Variants in PROS1 observed in about 807,000 individuals in gnomAD.
PROS1 encodes protein S.
A neutral mutation model predicts 75.9 loss-of-function variants in PROS1; 29 were observed. The observed-to-expected ratio is 0.38, with a 90% confidence interval of 0.28 to 0.52. The LOEUF (loss-of-function observed/expected upper bound fraction) is 0.52, where lower values mean the gene tolerates loss of function less well. Among genes scored for constraint, PROS1 ranks in the 20% least tolerant of loss-of-function variants. The pLI is 0.83. For missense variants in PROS1, 680 were observed against 810.3 expected (o/e 0.84, Z 1.95); for synonymous variants, 245 against 280.6 (o/e 0.87, Z 1.27).
intron 1 of PROS1, 63 bp from the exon 2 acceptor site, chr3:93,927,470 T>G (rs1460471612): frequency 6.7e-7 from 1 of 1,496,892 alleles, no homozygotes; most frequent in Admixed American, 1.8e-5. Context: ...ATTGTTTTAT[T>G]AAACAATAAG....
Position 93,874,211 on chromosome 3 carries a change from A to G in PROS1, c.*34T>C. ...TTGAAACATAAGTATAATTACACAC[A>G]AGGAAAAGGTATTATAAGCAGAGAA... On this transcript the variant is annotated 3_prime_UTR_variant, in exon 15 of 15. Transcript: ENST00000394236. 6.2e-7 allele frequency: 1 copy of G among 1,610,114 alleles called. No homozygotes were observed. The highest frequency in any genetic ancestry group is 8.5e-7 in the Non-Finnish European group (1 of 1,176,598).
In PROS1 at chr3:93,971,627, C is replaced by CCACACACACACACA. The variant is rs748664337; in HGVS notation, c.76+2033_76+2046dup. On this transcript the variant is annotated intron_variant, in intron 1 of 14. Coordinates refer to ENST00000394236, the MANE Select transcript of PROS1 (RefSeq NM_000313.4). The stretch of plus-strand genomic sequence containing the variant: ...CCAAAAAAACAAAACAAAATAAAAA[C>CCACACACACACACA]CACACACACACACACACACACACAC... Among the ~76,000 whole-genome samples the CCACACACACACACA allele has an allele frequency of 2.2e-4, 28 of 124,452 alleles. No individual in the cohort carries two copies. In the East Asian group the frequency reaches 2.3e-3, roughly 10 times the overall value. The allele number at this position is 124,452 out of a possible 152,430, so 81.6% of individuals were successfully genotyped here. A position where few individuals can be genotyped will look rare whatever the true frequency, so the allele number is the denominator to read the frequency against.
intron 3 of PROS1, among the ~76,000 whole-genome samples, chr3:93,914,033 G>A (rs541129440): frequency 2.6e-5 from 4 of 152,358 alleles, no homozygotes; most frequent in African/African-American, 9.6e-5. Context: ...TGAGCACACA[G>A]GGGTAGGGGC....
chr3:93,942,999 G>T (rs1709312892), intron 1 of PROS1, among the ~76,000 whole-genome samples: 1 of 152,080 alleles, frequency 6.6e-6, no homozygotes. Context: ...TTTCCCTCAG[G>T]GTCTGAGAAG....
At chr3:93,923,553 C>A (rs938509588) in intron 3 of PROS1, among the ~76,000 whole-genome samples, 1 of 152,158 alleles carries the variant, frequency 6.6e-6, no homozygotes, top group Non-Finnish European at 1.5e-5. Flanking sequence ...TGTAACTTTA[C>A]AAAAGAAAAC....
chr3:93,896,681 A>G lies in PROS1; in HGVS notation c.860T>C (p.Val287Ala), dbSNP rs753269101. The G allele has an allele frequency of 3.1e-6, 5 of 1,610,054 alleles. No individual in the cohort carries two copies. Among genetic ancestry groups the G allele is most frequent in the East Asian group, 2.2e-5 (1 of 44,806 alleles). Residue 287 changes from valine (V) to alanine (A), a missense_variant, in exon 9 of 15, where the codon GTG becomes GCG. Coordinates refer to ENST00000394236, the MANE Select transcript of PROS1 (RefSeq NM_000313.4). ...QDQKSCEVVS[V>A]CLPLNLDTKY... ...TGTGTCAAGGTTCAAGGGAAGGCAC[A>G]CTGAAACAACCTGGAATAAAAGAAA...
chr3:93,938,473 T>C (rs1226495423), intron 1 of PROS1, among the ~76,000 whole-genome samples: 1 of 152,078 alleles, frequency 6.6e-6, no homozygotes, highest in Non-Finnish European at 1.5e-5. Context: ...ACAGGAGGAC[T>C]CCTTCCAGAG....
At chr3:93,955,642 G>A (rs1452656330) in intron 1 of PROS1, among the ~76,000 whole-genome samples, 2 of 151,788 alleles carry the variant, frequency 1.3e-5, no homozygotes, top group African/African-American at 2.4e-5. Context: ...GAGTTAATGG[G>A]TGCAGCACAC....
At chr3:93,945,293 C>A (rs1418473422) in intron 1 of PROS1, among the ~76,000 whole-genome samples, 1 of 152,160 alleles carries the variant, frequency 6.6e-6, no homozygotes, top group Non-Finnish European at 1.5e-5. Context: ...GGAATCCTCC[C>A]TAACTCATTT....
rs769806365 is a variant in PROS1, at chr3:93,906,091, G to A, written c.399C>T (p.Ser133=). 6 of 1,613,864 alleles carry A rather than the reference G, an allele frequency of 3.7e-6. No individual in the cohort carries two copies. Among genetic ancestry groups the A allele is most frequent in the African/African-American group, 2.7e-5 (2 of 74,870 alleles). The part of the protein sequence containing the change: ...PLPCNEDGYM[S]CKDGKASFTC... The stretch of plus-strand genomic sequence containing the variant: ...TAAAAGAAGCTTTTCCATCTTTGCA[G>A]CTCATATATCCATCTTCATTGCATG... Residue 133 remains serine (S), a synonymous_variant, in exon 5 of 15, where the codon AGC becomes AGT. Coordinates refer to ENST00000394236, the MANE Select transcript of PROS1 (RefSeq NM_000313.4).
chr3:93,973,401 T>C (rs1709911151), intron 1 of PROS1, among the ~76,000 whole-genome samples: 1 of 152,176 alleles, frequency 6.6e-6, no homozygotes, highest in Admixed American at 6.5e-5. Context: ...AATGGGCAGG[T>C]GTTCTCATCC....
At chr3:93,889,040 G>T (rs1296065897) in intron 10 of PROS1, among the ~76,000 whole-genome samples, 5 of 152,086 alleles carry the variant, frequency 3.3e-5, no homozygotes, top group African/African-American at 1.2e-4. Flanking sequence ...CCTATTCCAA[G>T]AAATTCTGTA....
At chr3:93,945,355 A>G (rs1164824555) in intron 1 of PROS1, among the ~76,000 whole-genome samples, 1 of 152,006 alleles carries the variant, frequency 6.6e-6, no homozygotes, top group Non-Finnish European at 1.5e-5. Flanking sequence ...CACAACAACA[A>G]AAAAAAGAGA....
intron 1 of PROS1, among the ~76,000 whole-genome samples, chr3:93,943,046 A>G (rs1709314186): frequency 6.6e-6 from 1 of 152,062 alleles, no homozygotes; most frequent in East Asian, 1.9e-4. Context: ...GTCAGACATA[A>G]TTCTTCAGTT....
rs531375674 is a variant in PROS1, at chr3:93,926,939, C to T, written c.234+311G>A. Among the ~76,000 whole-genome samples the T allele has an allele frequency of 3.0e-4, 45 of 151,824 alleles. 1 individual carries two copies. The highest frequency in any genetic ancestry group is 1.1e-3 in the African/African-American group (45 of 41,414). The stretch of plus-strand genomic sequence containing the variant: ...CCTTTAAAGGTACTTCCTCTCCCCT[C>T]CCCCTAACACTATCAAATTCTGGTT... On this transcript the variant is annotated intron_variant, in intron 2 of 14. Transcript: ENST00000394236.
At chr3:93,946,048 A>C (rs1709390034) in intron 1 of PROS1, among the ~76,000 whole-genome samples, 1 of 152,246 alleles carries the variant, frequency 6.6e-6, no homozygotes, top group African/African-American at 2.4e-5. Flanking sequence ...GTGAACCGCC[A>C]TTCACAATTG....
chr3:93,965,472 C>T (rs768742912), intron 1 of PROS1, among the ~76,000 whole-genome samples: 17 of 152,284 alleles, frequency 1.1e-4, no homozygotes, highest in African/African-American at 4.1e-4. Flanking sequence ...CTGGGTTCTA[C>T]GGTTCTCTTC....
intron 1 of PROS1, among the ~76,000 whole-genome samples, chr3:93,953,839 GC>G (rs1709551089): frequency 6.6e-6 from 1 of 152,146 alleles, no homozygotes; most frequent in Admixed American, 6.5e-5. Flanking sequence ...CCTCGTCTCA[GC>G]CCAAAATCTC....
intron 2 of PROS1, among the ~76,000 whole-genome samples, chr3:93,924,664 T>TC (rs1280701600): frequency 3.1e-5 from 4 of 130,334 alleles, no homozygotes; most frequent in African/African-American, 1.3e-4. Context: ...ACGTACTCTC[T>TC]TTTTTTTTTT....
Sources: allele counts gnomAD v4.1 joint callset (sites outside exome capture counted in the v4.1 genomes callset), GRCh38; gene constraint gnomAD v4.1.1; transcripts MANE v1.5; gene names NCBI Gene and HGNC (gene_info 2026-07-23, HGNC 2026-07-21).